Variants in ARSK observed in about 807,000 individuals in gnomAD.
The protein encoded by ARSK is arylsulfatase K.
In ARSK, 37 loss-of-function variants were observed where a neutral mutation model predicts 53.2. The observed-to-expected ratio is 0.70, with a 90% CI of 0.54 to 0.92. ARSK has a LOEUF of 0.92. Among genes scored for constraint, ARSK ranks in the 40% least tolerant of loss-of-function variants. The probability of loss-of-function intolerance (pLI) is 0.00; values close to 1 mark genes in which losing one functional copy is unlikely to be tolerated. For missense variants in ARSK, 613 were observed against 643.0 expected, an observed-to-expected ratio of 0.95 and a Z score of 0.51; for synonymous variants, 208 against 223.2, an observed-to-expected ratio of 0.93 and a Z score of 0.61.
chr5:95,585,037 T>A (rs1333459081), intron 4 of ARSK, among the ~76,000 whole-genome samples: 1 of 151,862 alleles, frequency 6.6e-6, no homozygotes, highest in African/African-American at 2.4e-5. Context: ...AATAGACAGT[T>A]CTCAAAAGAA....
chr5:95,566,930 A>G (rs974148658), intron 2 of ARSK, among the ~76,000 whole-genome samples: 1 of 152,216 alleles, frequency 6.6e-6, no homozygotes, highest in Non-Finnish European at 1.5e-5. Flanking sequence ...CAGTGATGAA[A>G]AGAAACTAAA....
rs1453363574 is a variant in ARSK, at chr5:95,605,028, T to G, written c.*1502T>G. The G allele has an allele frequency of 6.6e-6, 1 of 152,262 alleles. No individual in the cohort carries two copies. The highest frequency in any genetic ancestry group is 1.5e-5 in the Non-Finnish European group (1 of 68,048). The allele number at this position is 152,262 out of a possible 1,614,324, so 9.4% of individuals were successfully genotyped here. On this transcript the variant is annotated 3_prime_UTR_variant, in exon 8 of 8. Transcript: ENST00000380009. ...TTTGTACACCATAAGTATATACAAT[T>G]ATGATTTGTCAATTAAAAATATTAG... is the stretch of plus-strand genomic sequence containing the variant.
At chr5:95,562,846 G>A (rs957407439) in intron 1 of ARSK, among the ~76,000 whole-genome samples, 26 of 152,292 alleles carry the variant, frequency 1.7e-4, no homozygotes, top group African/African-American at 6.0e-4. Context: ...ATTGAAATGG[G>A]CTATTAGTAA....
chr5:95,581,167 C>T (rs1374886627), intron 3 of ARSK, among the ~76,000 whole-genome samples: 1 of 152,150 alleles, frequency 6.6e-6, no homozygotes, highest in Admixed American at 6.6e-5. Context: ...AGTTTGAAAT[C>T]TGGCCATAAT....
intron 3 of ARSK, among the ~76,000 whole-genome samples, chr5:95,573,717 A>C (rs1379050838): frequency 6.6e-6 from 1 of 152,212 alleles, no homozygotes; most frequent in East Asian, 1.9e-4. Context: ...GCCAAGTCAA[A>C]ATAAGCAGTA....
intron 7 of ARSK, among the ~76,000 whole-genome samples, chr5:95,601,540 G>GT (rs1270466236): frequency 6.6e-6 from 1 of 152,200 alleles, no homozygotes; most frequent in Non-Finnish European, 1.5e-5. Flanking sequence ...CAGCTAAGAA[G>GT]TAGCAGAACT....
Position 95,594,336 on chromosome 5 carries a change from G to A in ARSK, c.1096+2711G>A, listed in dbSNP as rs181253371. ...ATGATAAAGGTTTAATATTCATAGAGCTCTTATAAATCTGTAAGAAAAAGA... is the reference window on the plus strand; with the variant it reads ...ATGATAAAGGTTTAATATTCATAGAACTCTTATAAATCTGTAAGAAAAAGA... On this transcript the variant is annotated intron_variant, in intron 6 of 7. Transcript: ENST00000380009. Among the ~76,000 whole-genome samples, 6 of 152,130 alleles carry A rather than the reference G, an allele frequency of 3.9e-5. No individual in the cohort carries two copies. In the East Asian group the frequency reaches 1.2e-3, roughly 29 times the overall value.
intron 2 of ARSK, among the ~76,000 whole-genome samples, chr5:95,567,522 G>A (rs944303298): frequency 6.6e-6 from 1 of 152,230 alleles, no homozygotes; most frequent in African/African-American, 2.4e-5. Flanking sequence ...TTGGGGAAAT[G>A]AGATCTGTAC....
At chr5:95,572,482 G>A (rs538513913) in intron 3 of ARSK, among the ~76,000 whole-genome samples, 285 of 152,222 alleles carry the variant, frequency 1.9e-3, no homozygotes, top group Non-Finnish European at 3.6e-3. Context: ...CTTATCAATT[G>A]AAAGAAAACA....
In ARSK at chr5:95,557,948, A is replaced by G. The variant is rs561466177; in HGVS notation, c.126+2544A>G. On this transcript the variant is annotated intron_variant, in intron 1 of 7. Transcript: ENST00000380009. ...AAGAAACATTTATTCAAGAAAATCTATGAAAACTTGGTAAGAATAGCAAGA... is the reference window on the plus strand; with the variant it reads ...AAGAAACATTTATTCAAGAAAATCTGTGAAAACTTGGTAAGAATAGCAAGA... 1.3e-4 allele frequency among the ~76,000 whole-genome samples: 20 copies of G among 152,358 alleles called. 1 individual carries two copies. The highest frequency in any genetic ancestry group is 3.8e-4 in the African/African-American group (16 of 41,590).
At chr5:95,590,333 G>C (rs143053209) in intron 5 of ARSK, among the ~76,000 whole-genome samples, 2 of 152,124 alleles carry the variant, frequency 1.3e-5, no homozygotes, top group African/African-American at 4.8e-5. Context: ...TTGTTGAAAC[G>C]TAAAGGTCTA....
intron 6 of ARSK, among the ~76,000 whole-genome samples, chr5:95,598,785 A>G (rs1037136270): frequency 3.9e-5 from 6 of 152,164 alleles, no homozygotes; most frequent in Non-Finnish European, 8.8e-5. Context: ...ACTCCAGCCA[A>G]ACAGGCCTGC....
At chr5:95,564,878 G>A (rs1748701791) in intron 1 of ARSK, among the ~76,000 whole-genome samples, 2 of 151,980 alleles carry the variant, frequency 1.3e-5, no homozygotes, top group Admixed American at 6.6e-5. Context: ...TCCCTGAAAG[G>A]TTTTATTTAA....
intron 5 of ARSK, among the ~76,000 whole-genome samples, chr5:95,589,855 C>G (rs1749182330): frequency 6.6e-6 from 1 of 152,214 alleles, no homozygotes; most frequent in Non-Finnish European, 1.5e-5. Flanking sequence ...AATTGCCACA[C>G]TGTCTTCCAC....
rs569542292 is a variant in ARSK, at chr5:95,565,861, T to A, written c.127-137T>A. 22 of 798,436 alleles carry A rather than the reference T, an allele frequency of 2.8e-5. No homozygotes were observed. The South Asian group carries it at 4.3e-4, about 16-fold the overall frequency. 49.5% of individuals were successfully genotyped at this position (798,436 alleles called of 1,614,324 possible). On this transcript the variant is annotated intron_variant, in intron 1 of 7. Transcript: ENST00000380009. ...TACCAGATACTGGAAACACCCTCTATACTTGTTTTGTTTTTATCTTTGGAG... is the reference window on the plus strand; with the variant it reads ...TACCAGATACTGGAAACACCCTCTAAACTTGTTTTGTTTTTATCTTTGGAG...
intron 6 of ARSK, among the ~76,000 whole-genome samples, chr5:95,596,130 A>C (rs1243199542): frequency 6.6e-6 from 1 of 152,190 alleles, no homozygotes; most frequent in African/African-American, 2.4e-5. Context: ...GGATCATTCA[A>C]CCTTTTAAGA....
At chr5:95,588,738 C>T (rs1279148504) in intron 5 of ARSK, among the ~76,000 whole-genome samples, 2 of 151,974 alleles carry the variant, frequency 1.3e-5, no homozygotes, top group East Asian at 1.9e-4. Context: ...CCGAGGCAAG[C>T]GGATCACAAG....
At chr5:95,558,491 A>G (rs1441074663) in intron 1 of ARSK, among the ~76,000 whole-genome samples, 1 of 152,238 alleles carries the variant, frequency 6.6e-6, no homozygotes, top group Non-Finnish European at 1.5e-5. Flanking sequence ...ACAAGAAAAA[A>G]GACAAAAGAG....
At chr5:95,566,243 T>C (rs559657699) in intron 2 of ARSK, 116 bp downstream of exon 2, 29 of 1,313,742 alleles carry the variant, frequency 2.2e-5, no homozygotes, top group Non-Finnish European at 2.6e-5. Context: ...ATAAAATTGT[T>C]TTAATATAAA....
Sources: allele counts gnomAD v4.1 joint callset (sites outside exome capture counted in the v4.1 genomes callset), GRCh38; gene constraint gnomAD v4.1.1; transcripts MANE v1.5; gene names NCBI Gene and HGNC (gene_info 2026-07-23, HGNC 2026-07-21).